The following ZNF71 variants were observed in gnomAD, a reference collection of about 807,000 sequenced individuals.
The protein encoded by ZNF71 is zinc finger protein 71.
ZNF71 carries 3 observed loss-of-function variants against 6.7 expected under a neutral mutation model. The observed-to-expected ratio is 0.45, with a 90% confidence interval of 0.20 to 1.16. The LOEUF is 1.16. Ranked by LOEUF, ZNF71 falls within the 50% of genes most tolerant of loss-of-function variation. The pLI is 0.25. For synonymous variants in ZNF71, 343 were observed against 311.1 expected, an observed-to-expected ratio of 1.10 and a Z score of -1.08; for missense variants, 688 against 728.6, an observed-to-expected ratio of 0.94 and a Z score of 0.64.
At chr19:56,605,728 C>A (rs1369980173) in intron 2 of ZNF71, among the ~76,000 whole-genome samples, 4 of 152,184 alleles carry the variant, frequency 2.6e-5, no homozygotes, top group Admixed American at 2.6e-4. Flanking sequence ...TGTCAAGCAC[C>A]ATCTCTGGAA....
chr19:56,620,994 TTC>T (rs1471322491), intron 3 of ZNF71, among the ~76,000 whole-genome samples: 1 of 152,124 alleles, frequency 6.6e-6, no homozygotes, highest in African/African-American at 2.4e-5. Flanking sequence ...CTACTGCAGT[TTC>T]TCTCCAGGAG....
At chr19:56,599,954 T>C (rs1175673047) in intron 1 of ZNF71, among the ~76,000 whole-genome samples, 2 of 152,106 alleles carry the variant, frequency 1.3e-5, no homozygotes, top group Admixed American at 6.5e-5. Context: ...GTGCTGGGAT[T>C]ACAGGCATGA....
In ZNF71 at chr19:56,598,673, A is replaced by G. The variant is rs903635668; in HGVS notation, c.-52-2834A>G. Among the ~76,000 whole-genome samples the G allele has an allele frequency of 2.6e-5, 4 of 152,094 alleles. No homozygotes were observed. The highest frequency in any genetic ancestry group is 1.5e-5 in the Non-Finnish European group (1 of 68,026). On this transcript the variant is annotated intron_variant, in intron 1 of 3. Transcript: ENST00000599599. This position sits in a 1 kb window ranked among gnomAD's most constrained non-coding sequence, Gnocchi z 4.2. ...GTAGCAGCATCCCCAGTCTCTACCA[A>G]CTAAACGCCCATAGCACTCCCCTGC...
chr19:56,604,795 G>A lies in ZNF71; in HGVS notation c.33+3204G>A, dbSNP rs143027908. On this transcript the variant is annotated intron_variant, in intron 2 of 3. Coordinates refer to ENST00000599599, the MANE Select transcript of ZNF71 (RefSeq NM_001370215.1). The stretch of plus-strand genomic sequence containing the variant: ...TAGGACCATAGAGGGACTAGCCAGC[G>A]GGGGTGAGGCCTCCCCTTGGGATTC... Among the ~76,000 whole-genome samples, 101 of 152,320 alleles carry A rather than the reference G, an allele frequency of 6.6e-4. 1 individual carries two copies. The highest frequency in any genetic ancestry group is 2.3e-3 in the African/African-American group (94 of 41,576).
intron 3 of ZNF71, among the ~76,000 whole-genome samples, chr19:56,615,817 G>T (rs192749883): frequency 6.6e-6 from 1 of 151,870 alleles, no homozygotes; most frequent in Admixed American, 6.6e-5. Flanking sequence ...TCTATTTTTT[G>T]TTGTTCTCGT....
rs2044748982 is a variant in ZNF71 at position 56,611,148 on chromosome 19, A to T, written c.34-2664A>T. ...AGCATTTTGGGCAGAAGAAACGGCT[A>T]GTGCAAGTTCCCTGGGGGATATTCG... On this transcript the variant is annotated intron_variant, in intron 2 of 3. Coordinates refer to ENST00000599599, the MANE Select transcript of ZNF71 (RefSeq NM_001370215.1). Among the ~76,000 whole-genome samples, 4 of 152,348 alleles carry T rather than the reference A, an allele frequency of 2.6e-5. No individual in the cohort carries two copies. The South Asian group carries it at 8.3e-4, about 32-fold the overall frequency.
At chr19:56,601,881 G>A (rs12975936) in intron 2 of ZNF71, among the ~76,000 whole-genome samples, 42,370 of 151,986 alleles carry the variant, frequency 0.28, 7,568 homozygotes, top group Non-Finnish European at 0.39. Flanking sequence ...GAAAACTTGC[G>A]CAGGACCATG....
rs749448913 is a variant in ZNF71 at position 56,622,909 on chromosome 19, A to T, written c.*152A>T. 505 of 981,398 alleles carry T rather than the reference A, an allele frequency of 5.1e-4. No homozygotes were observed. The highest frequency in any genetic ancestry group is 6.9e-4 in the Non-Finnish European group (464 of 672,320). 60.8% of individuals were successfully genotyped at this position (981,398 alleles called of 1,614,324 possible). On this transcript the variant is annotated 3_prime_UTR_variant, in exon 4 of 4. Transcript: ENST00000599599. ...TGTGGGGTTGTGGAGGGGCTGGCTG[A>T]TCACACATGCCCCCTCCTTACTGAG...
At chr19:56,601,246 G>T (rs575783204) in intron 1 of ZNF71, among the ~76,000 whole-genome samples, 15 of 152,150 alleles carry the variant, frequency 9.9e-5, no homozygotes, top group African/African-American at 2.9e-4. Flanking sequence ...TAATCTCCTC[G>T]GGCCTCAGCC....
rs1461639734 is a variant in ZNF71, at chr19:56,621,855, G to A, written c.748G>A (p.Asp250Asn). 4.3e-6 allele frequency: 7 copies of A among 1,611,926 alleles called. No homozygotes were observed. The highest frequency in any genetic ancestry group is 1.3e-5 in the African/African-American group (1 of 74,894). The change falls in exon 4 of 4, where the codon GAC becomes AAC. Residue 250 changes from aspartate (D) to asparagine (N), a missense_variant. By Grantham distance (23) the Asp-to-Asn change is conservative (BLOSUM62 1). Transcript: ENST00000599599. ...GGGCGAGAAGCCCTATGCCTGCGGG[G>A]ACTGCGGCAAGGCCTTCAGCCAGCG... is the stretch of plus-strand genomic sequence containing the variant. ...HTGEKPYACG[D>N]CGKAFSQRMN... is the part of the protein sequence containing the mutation.
chr19:56,617,197 G>A (rs749374742), intron 3 of ZNF71, among the ~76,000 whole-genome samples: 28 of 146,760 alleles, frequency 1.9e-4, no homozygotes, highest in East Asian at 2.2e-4. Flanking sequence ...TGCAACCTCC[G>A]CCTCCCTGGT....
chr19:56,614,838 T>C (rs567839052), intron 3 of ZNF71, among the ~76,000 whole-genome samples: 1 of 152,316 alleles, frequency 6.6e-6, no homozygotes, highest in East Asian at 1.9e-4. Context: ...GACATATCTA[T>C]CATCCCCAAG....
At chr19:56,619,788 A>G (rs2044828742) in intron 3 of ZNF71, among the ~76,000 whole-genome samples, 1 of 152,226 alleles carries the variant, frequency 6.6e-6, no homozygotes, top group African/African-American at 2.4e-5. Context: ...CTTGTTGCCC[A>G]TAAGAATGAG....
At chr19:56,614,473 A>G (rs1024786) in intron 3 of ZNF71, among the ~76,000 whole-genome samples, 1,908 of 152,364 alleles carry the variant, frequency 0.013, 43 homozygotes, top group African/African-American at 0.044. Flanking sequence ...TCTGTCCTTT[A>G]GAAATTCTCA....
chr19:56,598,949 CA>C lies in ZNF71; in HGVS notation c.-52-2557del, dbSNP rs1408485037. Among the ~76,000 whole-genome samples, 10 of 152,184 alleles carry C rather than the reference CA, an allele frequency of 6.6e-5. No homozygotes were observed. Among genetic ancestry groups the C allele is most frequent in the Admixed American group, 1.3e-4 (2 of 15,280 alleles). On this transcript the variant is annotated intron_variant, in intron 1 of 3. Transcript: ENST00000599599. The surrounding 1 kb of genome is among the most constrained non-coding windows in gnomAD (Gnocchi z 4.2). ...GGAAACTTGCTTAGAAATACCGATT[CA>C]GGGGCCCTACCCAGGTAGTTTGATT...
intron 1 of ZNF71, among the ~76,000 whole-genome samples, chr19:56,597,682 G>A (rs148765957): frequency 1.8e-4 from 28 of 152,286 alleles, no homozygotes; most frequent in African/African-American, 6.5e-4. Context: ...CCCTACCCTC[G>A]ATTTGATTCC....
rs77179377 is a variant in ZNF71, at chr19:56,618,073, C to G, written c.161-3195C>G. 1.9e-3 allele frequency among the ~76,000 whole-genome samples: 293 copies of G among 152,322 alleles called. 1 individual carries two copies. The highest frequency in any genetic ancestry group is 0.01 in the Middle Eastern group (3 of 294). ...CAGCATCTGGGCATTGTGCCACACC[C>G]TGACTAGGGTCTCTAAACCACAATC... is the stretch of plus-strand genomic sequence containing the variant. On this transcript the variant is annotated intron_variant, in intron 3 of 3. Transcript: ENST00000599599. This position sits in a 1 kb window ranked among gnomAD's most constrained non-coding sequence, Gnocchi z 4.6.
chr19:56,613,766 T>C lies in ZNF71; in HGVS notation c.34-46T>C. 1 of 1,073,078 alleles carries C rather than the reference T, an allele frequency of 9.3e-7. No homozygotes were observed. Among genetic ancestry groups the C allele is most frequent in the Non-Finnish European group, 1.2e-6 (1 of 867,846 alleles). The allele number at this position is 1,073,078 out of a possible 1,614,324, so 66.5% of individuals were successfully genotyped here. A position where few individuals can be genotyped will look rare whatever the true frequency, so the allele number is the denominator to read the frequency against. On this transcript the variant is annotated intron_variant, in intron 2 of 3. Coordinates refer to ENST00000599599, the MANE Select transcript of ZNF71 (RefSeq NM_001370215.1). The surrounding 1 kb of genome is among the most constrained non-coding windows in gnomAD (Gnocchi z 4.6). ...TTTTCTGGCCATTCCTCCACGCCTC[T>C]GTAAGGAGGGCCCTGCGATGAGCGG...
chr19:56,621,233 C>T (rs2044842791), intron 3 of ZNF71, 35 bp from the exon 4 acceptor site: 1 of 1,512,158 alleles, frequency 6.6e-7, no homozygotes, highest in Admixed American at 2.3e-5. Context: ...TCTTTAACTA[C>T]ATGTATTTGC....
Sources: allele counts gnomAD v4.1 joint callset (sites outside exome capture counted in the v4.1 genomes callset), GRCh38; gene constraint gnomAD v4.1.1; non-coding constraint Gnocchi (gnomAD v3.1); transcripts MANE v1.5; gene names NCBI Gene and HGNC (gene_info 2026-07-23, HGNC 2026-07-21).